KCNU1: variants seen among roughly 807,000 people sequenced by gnomAD.
KCNU1 encodes the protein potassium channel subfamily U member 1.
In KCNU1, 93 loss-of-function variants were observed where a neutral mutation model predicts 126.8. The observed-to-expected ratio is 0.73, with a 90% CI of 0.62 to 0.87. KCNU1 has a LOEUF of 0.87. KCNU1 is among the 40% of genes least tolerant of loss of function. The pLI, the probability that KCNU1 is intolerant of heterozygous loss-of-function variation, is 0.00. For missense variants in KCNU1, 1,330 were observed against 1,367.1 expected (o/e 0.97, Z 0.43); for synonymous variants, 523 against 494.2 (o/e 1.06, Z -0.77).
At chr8:36,902,073 C>T (rs1486608610) in intron 19 of KCNU1, among the ~76,000 whole-genome samples, 1 of 152,052 alleles carries the variant, frequency 6.6e-6, no homozygotes, top group Non-Finnish European at 1.5e-5. Context: ...CAGAACGGAG[C>T]TTTAGTTAAG....
chr8:36,788,301 C>T (rs1208164605), intron 2 of KCNU1, among the ~76,000 whole-genome samples: 2 of 152,162 alleles, frequency 1.3e-5, no homozygotes, highest in East Asian at 3.9e-4. Context: ...TATCTGTGCA[C>T]ATGCTTGTCT....
In KCNU1 at chr8:36,833,632, G is replaced by A; in HGVS notation, c.1185G>A (p.Met395Ile). The A allele has an allele frequency of 3.7e-6, 6 of 1,611,044 alleles. No individual in the cohort carries two copies. The highest frequency in any genetic ancestry group is 5.1e-6 in the Non-Finnish European group (6 of 1,177,554). Residue 395 changes from methionine (M) to isoleucine (I), a missense_variant, in exon 11 of 27, where the codon ATG becomes ATA. Met to Ile is a conservative substitution (Grantham distance 10, BLOSUM62 1). Transcript: ENST00000399881. ...AYTTFISGSAMKWEDLRRVAV... is the reference protein window; with the variant it reads ...AYTTFISGSAIKWEDLRRVAV... The stretch of plus-strand genomic sequence containing the variant: ...CAACGTTCATTTCTGGATCTGCAAT[G>A]AAGTGGGAGGATCTGAGGCGAGTTG...
At chr8:36,836,411 T>G in intron 13 of KCNU1, 46 bp downstream of exon 13, 1 of 1,286,162 alleles carries the variant, frequency 7.8e-7, no homozygotes, top group Non-Finnish European at 1.1e-6. Flanking sequence ...TTTATCTATA[T>G]AGCTAGACGA....
rs1240268390 is a variant in KCNU1 at position 36,836,376 on chromosome 8, A to G, written c.1365+11A>G. 1 of 1,502,490 alleles carries G rather than the reference A, an allele frequency of 6.7e-7. No individual in the cohort carries two copies. Among genetic ancestry groups the G allele is most frequent in the Non-Finnish European group, 9.2e-7 (1 of 1,082,226 alleles). 93.1% of individuals were successfully genotyped at this position (1,502,490 alleles called of 1,614,324 possible). ...CAATCCCATAACAAGGTATAGTAACATTCTAGCATATTCCATCTCCTCCTT... is the reference window on the plus strand; with the variant it reads ...CAATCCCATAACAAGGTATAGTAACGTTCTAGCATATTCCATCTCCTCCTT... On this transcript the variant is annotated intron_variant, in intron 13 of 26. Transcript: ENST00000399881.
At chr8:36,901,084 A>G (rs1332652168) in intron 19 of KCNU1, among the ~76,000 whole-genome samples, 1 of 151,486 alleles carries the variant, frequency 6.6e-6, no homozygotes, top group Admixed American at 6.6e-5. Context: ...AAAAAAAGGG[A>G]ATTGTAGAGG....
At chr8:36,845,431 C>T in intron 16 of KCNU1, 149 bp from the exon 17 acceptor site, 1 of 596,382 alleles carries the variant, frequency 1.7e-6, no homozygotes, top group Non-Finnish European at 3.0e-6. Flanking sequence ...GTCAAATTCA[C>T]ATTCTCCACT....
At chr8:36,920,473 T>TA (rs1207516840) in intron 23 of KCNU1, among the ~76,000 whole-genome samples, 1 of 152,156 alleles carries the variant, frequency 6.6e-6, no homozygotes, top group Non-Finnish European at 1.5e-5. Flanking sequence ...TCCAGGGACT[T>TA]ACAGTCTTTG....
chr8:36,791,667 G>C lies in KCNU1; in HGVS notation c.315+4242G>C, dbSNP rs1049675059. Reference sequence around the variant, plus strand: ...AGCATCATAATTCATTTGGAAATGGGAAAGAATATTTCAAAAACGGTGCCT... The same window carrying C: ...AGCATCATAATTCATTTGGAAATGGCAAAGAATATTTCAAAAACGGTGCCT... On this transcript the variant is annotated intron_variant, in intron 2 of 26. Coordinates refer to ENST00000399881, the MANE Select transcript of KCNU1 (RefSeq NM_001031836.3). Among the ~76,000 whole-genome samples, 7 of 152,018 alleles carry C rather than the reference G, an allele frequency of 4.6e-5. No homozygotes were observed. In the South Asian group the frequency reaches 1.5e-3, roughly 31 times the overall value.
rs565525864 is a variant in KCNU1, at chr8:36,898,934, T to C, written c.2010-6774T>C. On this transcript the variant is annotated intron_variant, in intron 19 of 26. Coordinates refer to ENST00000399881, the MANE Select transcript of KCNU1 (RefSeq NM_001031836.3). ...TAAAGGTACCTGCTGCTCTGGGTCA[T>C]GTCTCATCTGTACTAACATTGTAGA... Among the ~76,000 whole-genome samples the C allele has an allele frequency of 4.9e-4, 74 of 152,196 alleles. No individual in the cohort carries two copies. The South Asian group carries it at 0.015, about 31-fold the overall frequency.
intron 12 of KCNU1, 29 bp from the exon 13 acceptor site, chr8:36,836,267 A>G (rs1585435644): frequency 7.0e-7 from 1 of 1,436,414 alleles, no homozygotes; most frequent in Non-Finnish European, 9.8e-7. Context: ...ATGACACATG[A>G]CTAATGAGAG....
chr8:36,887,674 T>C (rs962619865), intron 19 of KCNU1, among the ~76,000 whole-genome samples: 1 of 152,128 alleles, frequency 6.6e-6, no homozygotes, highest in African/African-American at 2.4e-5. Flanking sequence ...CAGAGATTAG[T>C]TAGTCAGAAT....
intron 5 of KCNU1, 89 bp downstream of exon 5, chr8:36,806,469 T>G (rs1178930714): frequency 5.8e-6 from 4 of 695,250 alleles, no homozygotes; most frequent in Admixed American, 3.0e-5. Context: ...TCATTTGTTC[T>G]TAATGCCTGA....
chr8:36,834,146 A>G (rs998755903), intron 11 of KCNU1, among the ~76,000 whole-genome samples: 1 of 152,170 alleles, frequency 6.6e-6, no homozygotes, highest in Non-Finnish European at 1.5e-5. Context: ...GCAACAGCCA[A>G]CCCTCTAGAC....
In KCNU1 at chr8:36,881,908, A is replaced by T. The variant is rs112689033; in HGVS notation, c.2009+17387A>T. ...ATTTGAGTTACCATGTTATAGCCAG[A>T]TTCTTACCTTCTCTCCTATAAAGCT... On this transcript the variant is annotated intron_variant, in intron 19 of 26. Transcript: ENST00000399881. Among the ~76,000 whole-genome samples, 301 of 151,920 alleles carry T rather than the reference A, an allele frequency of 2.0e-3. 12 individuals are homozygous for T. Among genetic ancestry groups the T allele is most frequent in the African/African-American group, 6.9e-3 (285 of 41,438 alleles).
At chr8:36,803,998 A>C in intron 2 of KCNU1, 29 bp from the exon 3 acceptor site, 1 of 1,449,268 alleles carries the variant, frequency 6.9e-7, no homozygotes, top group Non-Finnish European at 9.5e-7. Flanking sequence ...AAGTGGATTT[A>C]GACATTTGTC....
intron 24 of KCNU1, chr8:36,923,096 T>C: frequency 2.2e-6 from 1 of 456,196 alleles, no homozygotes; most frequent in Non-Finnish European, 4.4e-6. Flanking sequence ...CCTCCTCTCA[T>C]GGGGGGCATT....
intron 21 of KCNU1, among the ~76,000 whole-genome samples, chr8:36,910,607 T>TC (rs1235743508): frequency 6.6e-6 from 1 of 152,154 alleles, no homozygotes; most frequent in Non-Finnish European, 1.5e-5. Context: ...TGAATTTTTT[T>TC]CCTCATCACT....
intron 18 of KCNU1, among the ~76,000 whole-genome samples, chr8:36,856,396 A>G (rs1326766198): frequency 1.3e-5 from 2 of 152,212 alleles, no homozygotes; most frequent in East Asian, 3.8e-4. Context: ...TGGATATTGT[A>G]GATAATTATA....
At chr8:36,932,484 C>G (rs541088402) in intron 25 of KCNU1, among the ~76,000 whole-genome samples, 1 of 151,946 alleles carries the variant, frequency 6.6e-6, no homozygotes, top group Non-Finnish European at 1.5e-5. Context: ...GGCTATAGCC[C>G]GAGAATAAGG....
Sources: gnomAD v4.1 joint callset for allele counts (sites outside exome capture counted in the v4.1 genomes callset) on GRCh38, gnomAD v4.1.1 for gene constraint, MANE v1.5 for transcripts, NCBI Gene and HGNC (gene_info 2026-07-23, HGNC 2026-07-21) for gene names.